Variants in ZNRF3 observed in about 807,000 individuals in gnomAD.
The protein encoded by ZNRF3 is zinc and ring finger 3.
A neutral mutation model predicts 72.5 loss-of-function variants in ZNRF3; 23 were observed. The ratio of observed to expected loss-of-function variants is 0.32; its 90% CI spans 0.23 to 0.45. The LOEUF is 0.45. ZNRF3 is among the 20% of genes least tolerant of loss of function. The pLI, the probability that ZNRF3 is intolerant of heterozygous loss-of-function variation, is 1.00. For missense variants in ZNRF3, 1,169 were observed against 1,272.1 expected (o/e 0.92, Z 1.23); for synonymous variants, 610 against 545.3 (o/e 1.12, Z -1.65).
chr22:28,897,822 G>T (rs750596219), intron 1 of ZNRF3, among the ~76,000 whole-genome samples: 1 of 152,108 alleles, frequency 6.6e-6, no homozygotes, highest in Non-Finnish European at 1.5e-5. Context: ...CTATTGTCTT[G>T]GATGTAAAAC....
intron 8 of ZNRF3, 115 bp from the exon 9 acceptor site, chr22:29,053,464 C>G: frequency 5.4e-6 from 5 of 924,086 alleles, no homozygotes; most frequent in Non-Finnish European, 8.3e-6. Flanking sequence ...CTGCTTCAGC[C>G]CTTTAGCATA....
rs1419751812 is a variant in ZNRF3, at chr22:29,044,903, T to C, written c.744+13T>C. 1.9e-6 allele frequency: 3 copies of C among 1,592,186 alleles called. No homozygotes were observed. Among genetic ancestry groups the C allele is most frequent in the Non-Finnish European group, 2.6e-6 (3 of 1,160,314 alleles). ...GCGACGCAGTCAGGTAGTGCCTCTG[T>C]GTGTAGCCCGTGAGCAGTAACCCCT... On this transcript the variant is annotated intron_variant, in intron 5 of 8. Transcript: ENST00000544604.
chr22:29,018,087 C>G, intron 2 of ZNRF3: 1 of 517,724 alleles, frequency 1.9e-6, no homozygotes, highest in Non-Finnish European at 3.9e-6. Flanking sequence ...GAGGGGAGGG[C>G]GGACGGGCAG....
intron 1 of ZNRF3, among the ~76,000 whole-genome samples, chr22:28,981,905 G>A (rs2035771233): frequency 6.6e-6 from 1 of 151,712 alleles, no homozygotes; most frequent in Admixed American, 6.5e-5. Context: ...GCTGAGGCAA[G>A]AGAATTGCTT....
Position 29,003,469 on chromosome 22 carries a change from G to A in ZNRF3, c.426+16268G>A, listed in dbSNP as rs556926320. Among the ~76,000 whole-genome samples, 575 of 149,160 alleles carry A rather than the reference G, an allele frequency of 3.9e-3. 8 individuals are homozygous for A. The highest frequency in any genetic ancestry group is 0.014 in the African/African-American group (556 of 40,370). On this transcript the variant is annotated intron_variant, in intron 2 of 8. Coordinates refer to ENST00000544604, the MANE Select transcript of ZNRF3 (RefSeq NM_001206998.2). ...GTGGAGCTTGCAGTGAGCCGAGATC[G>A]CGCCACTGCACTCCAGTCTGGGTGA...
At chr22:28,980,690 T>C (rs2035749610) in intron 1 of ZNRF3, among the ~76,000 whole-genome samples, 1 of 152,244 alleles carries the variant, frequency 6.6e-6, no homozygotes, top group Non-Finnish European at 1.5e-5. Flanking sequence ...TTCTGTTATA[T>C]CCTTGCACTT....
In ZNRF3 at chr22:28,887,235, A is replaced by AGAGTGTGTGTGTGT. The variant is rs376319811; in HGVS notation, c.300+3170_300+3171insAGTGTGTGTGTGTG. Among the ~76,000 whole-genome samples the AGAGTGTGTGTGTGT allele has an allele frequency of 2.1e-5, 2 of 93,170 alleles. 1 individual carries two copies. The highest frequency in any genetic ancestry group is 9.9e-3 in the Middle Eastern group (2 of 202). 61.1% of individuals were successfully genotyped at this position (93,170 alleles called of 152,430 possible). A position where few individuals can be genotyped will look rare whatever the true frequency, so the allele number is the denominator to read the frequency against. On this transcript the variant is annotated intron_variant, in intron 1 of 8. Coordinates refer to ENST00000544604, the MANE Select transcript of ZNRF3 (RefSeq NM_001206998.2). ...TATGCCAACGAAGAGAGAGAGAGAG[A>AGAGTGTGTGTGTGT]GTGTGTGTGTGTGTGTGTGTGTGTG...
At chr22:28,965,427 A>G (rs2035443014) in intron 1 of ZNRF3, among the ~76,000 whole-genome samples, 1 of 152,190 alleles carries the variant, frequency 6.6e-6, no homozygotes. Flanking sequence ...TGAGGAAGCC[A>G]AGTTCAGAAA....
chr22:28,930,253 A>C (rs1399118779), intron 1 of ZNRF3, among the ~76,000 whole-genome samples: 1 of 152,226 alleles, frequency 6.6e-6, no homozygotes, highest in Admixed American at 6.5e-5. Context: ...GCATTGTTTA[A>C]TATTAAAATC....
At chr22:29,009,460 A>G (rs1328450286) in intron 2 of ZNRF3, among the ~76,000 whole-genome samples, 2 of 152,194 alleles carry the variant, frequency 1.3e-5, no homozygotes, top group South Asian at 2.1e-4. Flanking sequence ...ATTCAAAAAA[A>G]GAGGCATGCA....
chr22:29,049,725 T>A lies in ZNRF3; in HGVS notation c.1544T>A (p.Val515Glu), dbSNP rs765017823. 6.2e-7 allele frequency: 1 copy of A among 1,600,144 alleles called. No individual in the cohort carries two copies. The highest frequency in any genetic ancestry group is 2.2e-5 in the East Asian group (1 of 44,668). ...CTGCTCTTCCCCACCGTGGTGCACGTGGCCCCGCCCTCCCACCTGGAGAGC... is the reference window on the plus strand; with the variant it reads ...CTGCTCTTCCCCACCGTGGTGCACGAGGCCCCGCCCTCCCACCTGGAGAGC... ...GSLLFPTVVH[V>E]APPSHLESGS... The change falls in exon 8 of 9, where the codon GTG becomes GAG. Residue 515 changes from valine (V) to glutamate (E), a missense_variant. By Grantham distance (121) the Val-to-Glu change is moderately radical. Around this residue, in one of 2 missense-constraint regions of ZNRF3, gnomAD observed 783 missense variants for 731.4 expected, o/e 1.07. Coordinates refer to ENST00000544604, the MANE Select transcript of ZNRF3 (RefSeq NM_001206998.2). This position sits in a 1 kb window ranked among gnomAD's most constrained non-coding sequence, Gnocchi z 5.2.
chr22:29,018,811 A>G (rs2036481005), intron 2 of ZNRF3, among the ~76,000 whole-genome samples: 1 of 152,160 alleles, frequency 6.6e-6, no homozygotes, highest in South Asian at 2.1e-4. Context: ...TTCATTTAGC[A>G]CAGGTGTATC....
intron 1 of ZNRF3, among the ~76,000 whole-genome samples, chr22:28,970,361 A>G (rs2035547489): frequency 6.6e-6 from 1 of 152,242 alleles, no homozygotes; most frequent in Non-Finnish European, 1.5e-5. Flanking sequence ...AAAGGCTGAT[A>G]CTAAAAAGTG....
rs990365336 is a variant in ZNRF3 at position 29,056,091 on chromosome 22, A to T, written c.*2469A>T. The T allele has an allele frequency of 1.4e-5, 2 of 143,414 alleles. No individual in the cohort carries two copies. Among genetic ancestry groups the T allele is most frequent in the Non-Finnish European group, 3.0e-5 (2 of 66,872 alleles). 8.9% of individuals were successfully genotyped at this position (143,414 alleles called of 1,614,324 possible). ...TGCAATTTTAAAACCTTAAATACCA[A>T]ATACCAACCATTGCCTTTTTTTTTT... On this transcript the variant is annotated 3_prime_UTR_variant, in exon 9 of 9. Transcript: ENST00000544604.
At chr22:29,052,265 G>A (rs899210273) in intron 8 of ZNRF3, among the ~76,000 whole-genome samples, 3 of 152,168 alleles carry the variant, frequency 2.0e-5, no homozygotes, top group Non-Finnish European at 4.4e-5. Context: ...CGGGACAGAG[G>A]CAATAACCTC....
At chr22:28,930,550 A>G (rs2034686742) in intron 1 of ZNRF3, among the ~76,000 whole-genome samples, 1 of 152,264 alleles carries the variant, frequency 6.6e-6, no homozygotes, top group Non-Finnish European at 1.5e-5. Context: ...CAGTAGGCAC[A>G]AGCCTCAGGT....
Position 29,057,330 on chromosome 22 carries a change from G to A in ZNRF3, c.*3708G>A, listed in dbSNP as rs2037317288. 6.6e-6 allele frequency: 1 copy of A among 152,090 alleles called. No individual in the cohort carries two copies. Among genetic ancestry groups the A allele is most frequent in the Admixed American group, 6.5e-5 (1 of 15,270 alleles). 9.4% of individuals were successfully genotyped at this position (152,090 alleles called of 1,614,324 possible). On this transcript the variant is annotated 3_prime_UTR_variant, in exon 9 of 9. Coordinates refer to ENST00000544604, the MANE Select transcript of ZNRF3 (RefSeq NM_001206998.2). ...CATTGTTGGAATAATCATTGAAAAT[G>A]ACTAACACAAGACCCTGTAAATACA... is the stretch of plus-strand genomic sequence containing the variant.
At position 29,056,964 on chromosome 22, in the gene ZNRF3, C is replaced by T. The variant is rs1036582529; in HGVS notation, c.*3342C>T. On this transcript the variant is annotated 3_prime_UTR_variant, in exon 9 of 9. Transcript: ENST00000544604. The stretch of plus-strand genomic sequence containing the variant: ...TGAGGTCTAAAAAATAATTACTAGT[C>T]GAGACTATTATTCTTTAAACAGAAC... 6.6e-6 allele frequency: 1 copy of T among 152,156 alleles called. No homozygotes were observed. The highest frequency in any genetic ancestry group is 2.4e-5 in the African/African-American group (1 of 41,434). 9.4% of individuals were successfully genotyped at this position (152,156 alleles called of 1,614,324 possible). A position where few individuals can be genotyped will look rare whatever the true frequency, so the allele number is the denominator to read the frequency against.
In ZNRF3 at chr22:29,050,019, C is replaced by T. The variant is rs1191064103; in HGVS notation, c.1838C>T (p.Ser613Leu). Residue 613 changes from serine (S) to leucine (L), a missense_variant, in exon 8 of 9, where the codon TCG becomes TTG. Ser to Leu is a moderately radical substitution (Grantham distance 145). Coordinates refer to ENST00000544604, the MANE Select transcript of ZNRF3 (RefSeq NM_001206998.2). ...TGTCGTGCCAGTGAGGCGGGGGGCT[C>T]GGGCAGCTCGGGCCGGGGACCTGCC... Reference protein sequence around the residue: ...SPCRASEAGGSGSSGRGPALC... With the variant: ...SPCRASEAGGLGSSGRGPALC... 5 of 1,610,550 alleles carry T rather than the reference C, an allele frequency of 3.1e-6. No homozygotes were observed. The highest frequency in any genetic ancestry group is 1.7e-4 in the Middle Eastern group (1 of 6,046).
Sources: gnomAD v4.1 joint callset for allele counts (sites outside exome capture counted in the v4.1 genomes callset) on GRCh38, gnomAD v4.1.1 for gene constraint, gnomAD v4.1.1 regional missense constraint, Gnocchi (gnomAD v3.1) non-coding constraint, MANE v1.5 for transcripts, NCBI Gene and HGNC (gene_info 2026-07-23, HGNC 2026-07-21) for gene names.